The following DCC variants were observed in gnomAD, a reference collection of about 807,000 sequenced individuals.
The protein encoded by DCC is netrin receptor DCC.
A neutral mutation model predicts 172.5 loss-of-function variants in DCC; 58 were observed. The observed-to-expected ratio is 0.34, with a 90% confidence interval of 0.27 to 0.42. The LOEUF is 0.42. DCC is among the 10% of genes least tolerant of loss of function. The probability of loss-of-function intolerance (pLI) is 1.00; values close to 1 mark genes in which losing one functional copy is unlikely to be tolerated. For missense variants in DCC, 1,740 were observed against 1,791.0 expected, an observed-to-expected ratio of 0.97 and a Z score of 0.51; for synonymous variants, 709 against 644.5, an observed-to-expected ratio of 1.10 and a Z score of -1.52.
chr18:53,313,937 G>A (rs1024586378), intron 13 of DCC, among the ~76,000 whole-genome samples: 4 of 152,150 alleles, frequency 2.6e-5, no homozygotes, highest in Non-Finnish European at 4.4e-5. Flanking sequence ...CGCCAAAATC[G>A]CAGGGTATTT....
chr18:52,691,823 C>T (rs1015880740), intron 1 of DCC, among the ~76,000 whole-genome samples: 9 of 152,158 alleles, frequency 5.9e-5, no homozygotes, highest in South Asian at 2.1e-4. Flanking sequence ...CTCACTCCCA[C>T]CCTATCCTGG....
chr18:52,837,737 T>C (rs1687393251), intron 2 of DCC, among the ~76,000 whole-genome samples: 1 of 152,224 alleles, frequency 6.6e-6, no homozygotes, highest in South Asian at 2.1e-4. Context: ...ACATTTTCAG[T>C]ATCATTATAA....
At chr18:52,479,290 C>T (rs2144578588) in intron 1 of DCC, among the ~76,000 whole-genome samples, 1 of 152,140 alleles carries the variant, frequency 6.6e-6, no homozygotes, top group African/African-American at 2.4e-5. Flanking sequence ...CTAAAGTGAC[C>T]TTTTGTGTTA....
At chr18:52,514,325 T>TA (rs796852766) in intron 1 of DCC, among the ~76,000 whole-genome samples, 3 of 151,870 alleles carry the variant, frequency 2.0e-5, no homozygotes, top group African/African-American at 7.3e-5. Context: ...TGGTTTTTTT[T>TA]ATTGATATTT....
chr18:52,458,108 C>T (rs770483270), intron 1 of DCC, among the ~76,000 whole-genome samples: 2 of 152,124 alleles, frequency 1.3e-5, no homozygotes, highest in Non-Finnish European at 2.9e-5. Flanking sequence ...TCTCTGATGT[C>T]CTTGGTGGTC....
chr18:52,366,134 G>A (rs1012475379), intron 1 of DCC, among the ~76,000 whole-genome samples: 1 of 152,128 alleles, frequency 6.6e-6, no homozygotes, highest in Non-Finnish European at 1.5e-5. Flanking sequence ...TGCTTAATCT[G>A]TTTATGCTGA....
intron 1 of DCC, among the ~76,000 whole-genome samples, chr18:52,493,363 C>G (rs1383605586): frequency 6.6e-6 from 1 of 151,972 alleles, no homozygotes; most frequent in Non-Finnish European, 1.5e-5. Context: ...ATAAAAAGCA[C>G]TAGTCCACAA....
At chr18:53,199,015 C>T (rs2055493609) in intron 9 of DCC, among the ~76,000 whole-genome samples, 2 of 151,840 alleles carry the variant, frequency 1.3e-5, no homozygotes, top group African/African-American at 4.8e-5. Context: ...AAATGGAAGG[C>T]TGAAGCTGTT....
At chr18:52,482,445 G>A (rs1055555422) in intron 1 of DCC, among the ~76,000 whole-genome samples, 2 of 152,076 alleles carry the variant, frequency 1.3e-5, no homozygotes, top group African/African-American at 4.8e-5. Flanking sequence ...TGTAAACAAC[G>A]AACATGTACT....
intron 1 of DCC, among the ~76,000 whole-genome samples, chr18:52,735,894 A>G (rs990855753): frequency 6.6e-6 from 1 of 152,136 alleles, no homozygotes; most frequent in Admixed American, 6.6e-5. Flanking sequence ...ATCACACATG[A>G]CAAAGAGGTT....
rs150073113 is a variant in DCC at position 52,766,677 on chromosome 18, G to A, written c.412+14303G>A. Among the ~76,000 whole-genome samples the A allele has an allele frequency of 1.2e-3, 186 of 151,904 alleles. 1 individual carries two copies. Among genetic ancestry groups the A allele is most frequent in the African/African-American group, 4.3e-3 (179 of 41,414 alleles). On this transcript the variant is annotated intron_variant, in intron 2 of 28. Coordinates refer to ENST00000442544, the MANE Select transcript of DCC (RefSeq NM_005215.4). The stretch of plus-strand genomic sequence containing the variant: ...TCAAGCCACTTCTCTCCAATCATCC[G>A]GCTGCTTCTCCCCTCTGCTGGCTGA...
At chr18:53,246,962 A>G (rs1366105251) in intron 12 of DCC, among the ~76,000 whole-genome samples, 5 of 152,074 alleles carry the variant, frequency 3.3e-5, no homozygotes, top group Admixed American at 6.6e-5. Context: ...TGGGTTTCAT[A>G]TAAGGTGGTG....
Position 53,205,298 on chromosome 18 carries a change from C to G in DCC, c.1656C>G (p.Ala552=). The G allele has an allele frequency of 6.2e-7, 1 of 1,613,852 alleles. No homozygotes were observed. Among genetic ancestry groups the G allele is most frequent in the Non-Finnish European group, 8.5e-7 (1 of 1,179,804 alleles). ...TTCTTATTACCTGGGAACCCCCTGCCTATGCAAACGGTCCAGTCCAAGGTT... is the reference window on the plus strand; with the variant it reads ...TTCTTATTACCTGGGAACCCCCTGCGTATGCAAACGGTCCAGTCCAAGGTT... The part of the protein sequence containing the change: ...TSILITWEPP[A]YANGPVQGYR... Residue 552 remains alanine (A), a synonymous_variant, in exon 10 of 29, where the codon GCC becomes GCG. Transcript: ENST00000442544.
chr18:53,395,785 G>A (rs1908893093), intron 17 of DCC, among the ~76,000 whole-genome samples: 1 of 152,098 alleles, frequency 6.6e-6, no homozygotes, highest in South Asian at 2.1e-4. Flanking sequence ...TTGGACTACA[G>A]GTGCATGCTA....
intron 5 of DCC, among the ~76,000 whole-genome samples, chr18:52,985,955 T>G (rs1598999951): frequency 6.6e-6 from 1 of 152,220 alleles, no homozygotes; most frequent in African/African-American, 2.4e-5. Context: ...TTCCTTGCAT[T>G]ATCTTAATGC....
chr18:52,442,267 G>C (rs1367924626), intron 1 of DCC, among the ~76,000 whole-genome samples: 1 of 152,102 alleles, frequency 6.6e-6, no homozygotes, highest in East Asian at 1.9e-4. Flanking sequence ...TCATGATATA[G>C]CTAACACCAT....
intron 20 of DCC, among the ~76,000 whole-genome samples, chr18:53,412,052 TATC>T (rs754477185): frequency 6.6e-6 from 1 of 152,152 alleles, no homozygotes; most frequent in Non-Finnish European, 1.5e-5. Context: ...AGTGATGAGT[TATC>T]ATAAGATTTG....
intron 1 of DCC, among the ~76,000 whole-genome samples, chr18:52,658,883 A>T (rs1871442481): frequency 6.9e-6 from 1 of 145,772 alleles, no homozygotes. Flanking sequence ...CTTTCCTACA[A>T]AATGTTTTTA....
At chr18:52,915,570 G>T (rs748365927) in intron 3 of DCC, among the ~76,000 whole-genome samples, 2 of 152,106 alleles carry the variant, frequency 1.3e-5, no homozygotes, top group Non-Finnish European at 2.9e-5. Flanking sequence ...GGGGCCTGAT[G>T]ATAGTTGACT....
Sources: gnomAD v4.1 joint callset for allele counts (sites outside exome capture counted in the v4.1 genomes callset) on GRCh38, gnomAD v4.1.1 for gene constraint, MANE v1.5 for transcripts, NCBI Gene and HGNC (gene_info 2026-07-23, HGNC 2026-07-21) for gene names.